The following SUGCT variants were observed in gnomAD, a reference collection of about 807,000 sequenced individuals.
SUGCT encodes the protein succinyl-CoA:glutarate CoA-transferase.
SUGCT carries 41 observed loss-of-function variants against 55.0 expected under a neutral mutation model. The observed-to-expected ratio is 0.74, with a 90% CI of 0.58 to 0.97. The LOEUF (loss-of-function observed/expected upper bound fraction) is 0.97, where lower values mean the gene tolerates loss of function less well. Among genes scored for constraint, SUGCT ranks in the 50% least tolerant of loss-of-function variants. SUGCT has a pLI of 0.00. For synonymous variants in SUGCT, 187 were observed against 200.4 expected (o/e 0.93, Z 0.56); for missense variants, 568 against 547.8 (o/e 1.04, Z -0.37).
chr7:40,188,659 T>C, intron 4 of SUGCT, 79 bp downstream of exon 4: 1 of 857,478 alleles, frequency 1.2e-6, no homozygotes, highest in East Asian at 3.0e-5. Flanking sequence ...TTGTGGCTTG[T>C]TTTTTTCTTC....
chr7:40,692,661 C>T (rs577891190), intron 12 of SUGCT, among the ~76,000 whole-genome samples: 17 of 152,184 alleles, frequency 1.1e-4, no homozygotes, highest in East Asian at 1.9e-4. Flanking sequence ...CCTGGGACAC[C>T]GGGATAGTTG....
chr7:40,959,119 G>A, the SUGCT span, among the ~76,000 whole-genome samples: 1 of 152,186 alleles, frequency 6.6e-6, no homozygotes, highest in Non-Finnish European at 1.5e-5. Flanking sequence ...GCTGGGAGGT[G>A]TCTCCCAGTC....
intron 11 of SUGCT, among the ~76,000 whole-genome samples, chr7:40,487,637 G>A (rs536351080): frequency 9.9e-5 from 15 of 151,878 alleles, no homozygotes; most frequent in African/African-American, 1.9e-4. Flanking sequence ...TTGTATTGCC[G>A]TTAATCTCTC....
At chr7:40,931,046 C>G in the SUGCT span, among the ~76,000 whole-genome samples, 3 of 152,124 alleles carry the variant, frequency 2.0e-5, no homozygotes, top group African/African-American at 7.2e-5. Context: ...CAGTATGATA[C>G]TGGCTGTGGG....
At chr7:40,155,364 A>C (rs1026050003) in intron 1 of SUGCT, among the ~76,000 whole-genome samples, 2 of 151,482 alleles carry the variant, frequency 1.3e-5, no homozygotes, top group Admixed American at 1.3e-4. Flanking sequence ...GTTTTCTTCC[A>C]GTGAAAAAAA....
chr7:40,898,994 T>A, the SUGCT span, among the ~76,000 whole-genome samples: 3 of 150,826 alleles, frequency 2.0e-5, no homozygotes, highest in Non-Finnish European at 3.0e-5. Flanking sequence ...GGGAGGGGGG[T>A]CTACAGCCAC....
intron 8 of SUGCT, among the ~76,000 whole-genome samples, chr7:40,285,806 A>G (rs1194256107): frequency 6.6e-6 from 1 of 152,222 alleles, no homozygotes; most frequent in African/African-American, 2.4e-5. Context: ...ATTATATACC[A>G]GCAATGATAA....
chr7:40,847,772 G>A (rs901606781), intron 13 of SUGCT, among the ~76,000 whole-genome samples: 1 of 151,988 alleles, frequency 6.6e-6, no homozygotes, highest in Non-Finnish European at 1.5e-5. Context: ...ACCCCGAAGG[G>A]ACAAGGGTGT....
chr7:41,004,216 T>C, the SUGCT span, among the ~76,000 whole-genome samples: 1 of 152,362 alleles, frequency 6.6e-6, no homozygotes, highest in South Asian at 2.1e-4. Flanking sequence ...TCTCATTAGA[T>C]TCGCTGACTG....
chr7:40,631,978 C>T (rs1168190674), intron 12 of SUGCT, among the ~76,000 whole-genome samples: 1 of 152,138 alleles, frequency 6.6e-6, no homozygotes, highest in African/African-American at 2.4e-5. Flanking sequence ...GGACTCTGAC[C>T]TTAATCCCTG....
At chr7:40,312,116 C>T (rs1472596794) in intron 8 of SUGCT, among the ~76,000 whole-genome samples, 6 of 151,114 alleles carry the variant, frequency 4.0e-5, no homozygotes, top group Non-Finnish European at 7.4e-5. Flanking sequence ...CTCGGCTCAC[C>T]GCAACCTCTG....
At chr7:40,266,404 C>A (rs1162825564) in intron 7 of SUGCT, among the ~76,000 whole-genome samples, 1 of 151,788 alleles carries the variant, frequency 6.6e-6, no homozygotes, top group Non-Finnish European at 1.5e-5. Context: ...CCGCCTCGGC[C>A]TCCCAAAGTG....
intron 6 of SUGCT, among the ~76,000 whole-genome samples, chr7:40,206,017 G>A (rs183222702): frequency 6.6e-6 from 1 of 152,232 alleles, no homozygotes; most frequent in East Asian, 1.9e-4. Flanking sequence ...AGAATCTCTT[G>A]GAGACTAGGG....
chr7:40,436,847 A>G (rs1239924026), intron 9 of SUGCT, among the ~76,000 whole-genome samples: 2 of 152,146 alleles, frequency 1.3e-5, no homozygotes, highest in Admixed American at 6.6e-5. Context: ...CTGGCTTAGC[A>G]TTCTTTTGGA....
intron 12 of SUGCT, among the ~76,000 whole-genome samples, chr7:40,659,731 A>G (rs1036065890): frequency 1.9e-4 from 29 of 152,218 alleles, no homozygotes; most frequent in Admixed American, 3.3e-4. Context: ...CCCTTCTTGC[A>G]TGCAGTCCCA....
the SUGCT span, among the ~76,000 whole-genome samples, chr7:40,975,528 G>A: frequency 1.3e-5 from 2 of 152,184 alleles, no homozygotes; most frequent in African/African-American, 4.8e-5. Context: ...AAATACTAGA[G>A]GTAGGCTGTC....
chr7:40,513,602 A>G (rs1793064398), intron 12 of SUGCT, among the ~76,000 whole-genome samples: 2 of 152,148 alleles, frequency 1.3e-5, no homozygotes, highest in African/African-American at 4.8e-5. Flanking sequence ...GAGCAAACAC[A>G]GTAAGGCAAG....
chr7:40,812,642 A>G (rs905734814), intron 13 of SUGCT, among the ~76,000 whole-genome samples: 1 of 151,904 alleles, frequency 6.6e-6, no homozygotes. Flanking sequence ...CTAGCAGTCT[A>G]TTGATCTTGT....
At chr7:41,027,392 T>C in the SUGCT span, among the ~76,000 whole-genome samples, 3 of 152,168 alleles carry the variant, frequency 2.0e-5, no homozygotes, top group Non-Finnish European at 4.4e-5. Flanking sequence ...CTTGGTGACA[T>C]TGTGGTGACC....
Sources: gnomAD v4.1 joint callset for allele counts (sites outside exome capture counted in the v4.1 genomes callset) on GRCh38, gnomAD v4.1.1 for gene constraint, MANE v1.5 for transcripts, NCBI Gene and HGNC (gene_info 2026-07-23, HGNC 2026-07-21) for gene names.